Variants in PCDHA6 observed in about 807,000 individuals in gnomAD.
PCDHA6 encodes the protein protocadherin alpha 6.
PCDHA6 carries 55 observed loss-of-function variants against 60.3 expected under a neutral mutation model. The observed-to-expected ratio is 0.91, with a 90% CI of 0.73 to 1.14. The LOEUF (loss-of-function observed/expected upper bound fraction) is 1.14, where lower values mean the gene tolerates loss of function less well. PCDHA6 is among the 50% of genes most tolerant of loss of function. PCDHA6 has a pLI of 0.00. For missense variants in PCDHA6, 1,327 were observed against 1,256.5 expected (o/e 1.06, Z -0.85); for synonymous variants, 652 against 557.9 (o/e 1.17, Z -2.38).
chr5:140,849,565 T>C (rs2040964471), intron 1 of PCDHA6: 4 of 1,598,566 alleles, frequency 2.5e-6, no homozygotes, highest in South Asian at 2.2e-5. Context: ...ACGCTCTCGG[T>C]TCCTGTAAAA....
chr5:140,879,337 G>A (rs251379), intron 1 of PCDHA6, among the ~76,000 whole-genome samples: 101,683 of 152,024 alleles, frequency 0.67, 34,216 homozygotes, highest in Middle Eastern at 0.71. Flanking sequence ...AGTTTGTTCA[G>A]CTGAGAAGAT....
At position 140,828,503 on chromosome 5, in the gene PCDHA6, CAA is replaced by C. The variant is rs2150156146; in HGVS notation, c.414_415del (p.Arg139SerfsTer7). 5.6e-6 allele frequency: 9 copies of C among 1,614,120 alleles called. No homozygotes were observed. Among genetic ancestry groups the C allele is most frequent in the East Asian group, 4.5e-5 (2 of 44,902 alleles). On this transcript the variant is annotated frameshift_variant, in exon 1 of 4. Transcript: ENST00000529310. LOFTEE classifies it high-confidence loss of function. The stretch of plus-strand genomic sequence containing the variant: ...CCCGCCCTTGTTCCCGGTAGAGGAA[CAA>C]AGAGTGCTGATTTACGAATCTAGGC... ...DNPPLFPVEEQRVLIYESRLP... is the reference protein window; with the variant it reads ...DNPPLFPVEEXRVLIYESRLP...
intron 1 of PCDHA6, chr5:140,857,944 G>T: frequency 6.3e-7 from 1 of 1,597,474 alleles, no homozygotes. Context: ...AGATCAGTAC[G>T]ACGCGCGCTC....
Position 140,829,846 on chromosome 5 carries a change from G to T in PCDHA6, c.1755G>T (p.Leu585=). 6.2e-7 allele frequency: 1 copy of T among 1,613,940 alleles called. No individual in the cohort carries two copies. The highest frequency in any genetic ancestry group is 8.5e-7 in the Non-Finnish European group (1 of 1,179,898). Residue 585 remains leucine (L), a synonymous_variant, in exon 1 of 4, where the codon CTG becomes CTT. Coordinates refer to ENST00000529310, the MANE Select transcript of PCDHA6 (RefSeq NM_018909.4). Reference sequence around the variant, plus strand: ...TGAGCGAGCTGGTGCCGCGGTCACTGGGTGCAGGCCAAGTGGTGGCGAAGG... The same window carrying T: ...TGAGCGAGCTGGTGCCGCGGTCACTTGGTGCAGGCCAAGTGGTGGCGAAGG... ...GAVSELVPRS[L]GAGQVVAKVR...
chr5:140,861,018 C>T (rs1263823889), intron 1 of PCDHA6: 1 of 152,248 alleles, frequency 6.6e-6, no homozygotes, highest in South Asian at 2.1e-4. Context: ...CGAGTGCCAC[C>T]GCACCCGGCC....
chr5:140,954,724 C>T (rs2095079319), intron 1 of PCDHA6, among the ~76,000 whole-genome samples: 1 of 152,196 alleles, frequency 6.6e-6, no homozygotes, highest in Admixed American at 6.5e-5. Context: ...TGTAGGTTGT[C>T]TTTTCACTCT....
At chr5:140,895,912 A>G (rs1215168324) in intron 1 of PCDHA6, among the ~76,000 whole-genome samples, 1 of 152,146 alleles carries the variant, frequency 6.6e-6, no homozygotes, top group African/African-American at 2.4e-5. Context: ...CCCGGGCTCA[A>G]CAATTATCCT....
intron 1 of PCDHA6, among the ~76,000 whole-genome samples, chr5:140,893,478 C>T (rs1365540423): frequency 2.6e-5 from 4 of 151,996 alleles, no homozygotes; most frequent in African/African-American, 9.7e-5. Flanking sequence ...CATAGCAAGA[C>T]CCTGTTCTTC....
At chr5:140,906,829 C>T (rs2072974984) in intron 1 of PCDHA6, among the ~76,000 whole-genome samples, 1 of 152,244 alleles carries the variant, frequency 6.6e-6, no homozygotes, top group Non-Finnish European at 1.5e-5. Context: ...GAGTAGTAGA[C>T]TGATTTCATC....
intron 1 of PCDHA6, among the ~76,000 whole-genome samples, chr5:140,872,937 A>C (rs2053993403): frequency 6.6e-6 from 1 of 152,034 alleles, no homozygotes; most frequent in South Asian, 2.1e-4. Flanking sequence ...TGTTTTTGAA[A>C]TTTTCTTTCC....
chr5:140,883,093 A>T (rs1035461317), intron 1 of PCDHA6: 1 of 1,614,146 alleles, frequency 6.2e-7, no homozygotes, highest in Non-Finnish European at 8.5e-7. Flanking sequence ...GTACAAATGG[A>T]GATATAGTTT....
At chr5:140,926,722 C>A in intron 1 of PCDHA6, 1 of 1,027,126 alleles carries the variant, frequency 9.7e-7, no homozygotes, top group East Asian at 3.0e-5. Flanking sequence ...CCCGGCAATG[C>A]CGGCGTTCGG....
In PCDHA6 at chr5:140,830,304, C is replaced by T. The variant is rs2150184699; in HGVS notation, c.2213C>T (p.Thr738Met). ...TEGACTADKP[T>M]LVCSSAVGSW... ...GGCGCGTGCACGGCGGACAAGCCCACGCTGGTGTGCTCCAGCGCAGTGGGG... is the reference window on the plus strand; with the variant it reads ...GGCGCGTGCACGGCGGACAAGCCCATGCTGGTGTGCTCCAGCGCAGTGGGG... The change falls in exon 1 of 4, where the codon ACG becomes ATG. Residue 738 changes from threonine (T) to methionine (M), a missense_variant. Transcript: ENST00000529310. 101 of 1,613,824 alleles carry T rather than the reference C, an allele frequency of 6.3e-5. No individual in the cohort carries two copies. The highest frequency in any genetic ancestry group is 8.1e-5 in the Non-Finnish European group (96 of 1,179,916).
At position 140,830,241 on chromosome 5, in the gene PCDHA6, T is replaced by C; in HGVS notation, c.2150T>C (p.Leu717Pro). ...VSSLLVLTLL[L>P]YTALRCSAPP... Reference sequence around the variant, plus strand: ...AGCCTGCTGGTCCTCACGCTACTGCTGTACACAGCGCTGCGGTGCTCGGCG... The same window carrying C: ...AGCCTGCTGGTCCTCACGCTACTGCCGTACACAGCGCTGCGGTGCTCGGCG... Residue 717 changes from leucine (L) to proline (P), a missense_variant, in exon 1 of 4, where the codon CTG (leucine) becomes CCG (proline). By Grantham distance (98) the Leu-to-Pro change is moderately conservative. Transcript: ENST00000529310. 6.2e-7 allele frequency: 1 copy of C among 1,613,934 alleles called. No individual in the cohort carries two copies. The highest frequency in any genetic ancestry group is 8.5e-7 in the Non-Finnish European group (1 of 1,179,884).
At chr5:141,001,216 G>T (rs938133871) in intron 3 of PCDHA6, among the ~76,000 whole-genome samples, 1 of 152,082 alleles carries the variant, frequency 6.6e-6, no homozygotes, top group Non-Finnish European at 1.5e-5. Context: ...GCTGTATAAG[G>T]ATAGTTACAT....
chr5:140,959,303 T>C (rs1467527270), intron 1 of PCDHA6, among the ~76,000 whole-genome samples: 1 of 151,938 alleles, frequency 6.6e-6, no homozygotes, highest in African/African-American at 2.4e-5. Flanking sequence ...CTGAGCCCGG[T>C]GGTTGAAGCT....
At chr5:140,851,730 T>G in intron 1 of PCDHA6, 1 of 971,134 alleles carries the variant, frequency 1.0e-6, no homozygotes, top group Non-Finnish European at 1.2e-6. Context: ...TTCGAGTTCT[T>G]TTGAAATTCA....
rs565071573 is a variant in PCDHA6, at chr5:141,009,664, G to C, written c.2580G>C (p.Ala860=). 1.7e-4 allele frequency: 273 copies of C among 1,613,982 alleles called. 2 individuals are homozygous for C. In the South Asian group the frequency reaches 2.8e-3, roughly 17 times the overall value. ...GAGAAGTGTCCCCTCCAGTCGGTGC[G>C]GGTGTCAACAGCAACAGCTGGACCT... ...EAGEVSPPVG[A]GVNSNSWTFK... The change falls in exon 4 of 4, where the codon GCG becomes GCC. Residue 860 remains alanine, a synonymous_variant. Transcript: ENST00000529310.
At chr5:140,926,713 C>G (rs1018008271) in intron 1 of PCDHA6, 16 of 944,684 alleles carry the variant, frequency 1.7e-5, no homozygotes, top group Non-Finnish European at 2.3e-5. Flanking sequence ...CTGGCCAGCC[C>G]CGGCAATGCC....
Sources: allele counts gnomAD v4.1 joint callset (sites outside exome capture counted in the v4.1 genomes callset), GRCh38; gene constraint gnomAD v4.1.1; transcripts MANE v1.5; gene names NCBI Gene and HGNC (gene_info 2026-07-23, HGNC 2026-07-21).